TTLL11: variants seen among roughly 807,000 people sequenced by gnomAD.
The protein encoded by TTLL11 is tubulin polyglutamylase TTLL11.
A neutral mutation model predicts 51.7 loss-of-function variants in TTLL11; 42 were observed. The ratio of observed to expected loss-of-function variants is 0.81; its 90% CI spans 0.64 to 1.05. The LOEUF (loss-of-function observed/expected upper bound fraction) is 1.05, where lower values mean the gene tolerates loss of function less well. Ranked by LOEUF, TTLL11 falls within the 50% of genes least tolerant of loss-of-function variation. The pLI, the probability that TTLL11 is intolerant of heterozygous loss-of-function variation, is 0.00. For synonymous variants in TTLL11, 381 were observed against 383.5 expected (o/e 0.99, Z 0.08); for missense variants, 799 against 940.4 (o/e 0.85, Z 1.97).
intron 4 of TTLL11, among the ~76,000 whole-genome samples, chr9:121,986,676 C>T (rs973784633): frequency 5.3e-5 from 8 of 151,988 alleles, no homozygotes; most frequent in African/African-American, 1.7e-4. Context: ...CAAAAGGTGC[C>T]GCCAGCCTGC....
intron 3 of TTLL11, among the ~76,000 whole-genome samples, chr9:122,006,756 G>A (rs537045398): frequency 3.5e-4 from 54 of 152,142 alleles, no homozygotes; most frequent in African/African-American, 1.2e-3. Context: ...AGGCCAAGGC[G>A]GGAAGATTAC....
At chr9:121,884,405 G>A (rs1181508211) in intron 6 of TTLL11, among the ~76,000 whole-genome samples, 3 of 152,174 alleles carry the variant, frequency 2.0e-5, no homozygotes, top group Non-Finnish European at 4.4e-5. Flanking sequence ...GCGCGGAGCT[G>A]AAGTCAGAGC....
intron 6 of TTLL11, among the ~76,000 whole-genome samples, chr9:121,900,533 T>C (rs1213048887): frequency 6.6e-6 from 1 of 152,200 alleles, no homozygotes; most frequent in Non-Finnish European, 1.5e-5. Flanking sequence ...TTCGTTTCTA[T>C]TCTCATTGGA....
At chr9:121,884,019 C>T (rs1838898990) in intron 6 of TTLL11, among the ~76,000 whole-genome samples, 1 of 152,150 alleles carries the variant, frequency 6.6e-6, no homozygotes, top group Non-Finnish European at 1.5e-5. Context: ...TTAGTGAGCA[C>T]GAAGTGGAAT....
rs368215997 is a variant in TTLL11 at position 121,895,533 on chromosome 9, CTG to C, written c.1482-24787_1482-24786del. On this transcript the variant is annotated intron_variant, in intron 6 of 8. Transcript: ENST00000321582. ...TGTGTTTGTATGACTGTGACTGTGACTGTGTGTTTCGTTGTACATATGTGTGT... is the reference window on the plus strand; with the variant it reads ...TGTGTTTGTATGACTGTGACTGTGACTGTGTTTCGTTGTACATATGTGTGT... 3.8e-3 allele frequency among the ~76,000 whole-genome samples: 559 copies of C among 145,768 alleles called. 4 individuals are homozygous for C. The highest frequency in any genetic ancestry group is 0.013 in the African/African-American group (494 of 39,182).
At position 121,853,090 on chromosome 9, in the gene TTLL11, G is replaced by A. The variant is rs1837712922; in HGVS notation, c.1840+7247C>T. On this transcript the variant is annotated intron_variant, in intron 8 of 8. Transcript: ENST00000321582. The surrounding 1 kb of genome is among the most constrained non-coding windows in gnomAD (Gnocchi z 5.6). ...TACTCCAGCCGATGTGAGCAGAGGC[G>A]TCAGATGACTCGCAGTCGGTGACTG... Among the ~76,000 whole-genome samples the A allele has an allele frequency of 6.6e-6, 1 of 152,358 alleles. No homozygotes were observed. Among genetic ancestry groups the A allele is most frequent in the South Asian group, 2.1e-4 (1 of 4,832 alleles).
intron 3 of TTLL11, among the ~76,000 whole-genome samples, chr9:122,001,803 A>G (rs548921092): frequency 3.3e-5 from 5 of 152,184 alleles, no homozygotes; most frequent in African/African-American, 1.2e-4. Context: ...GGAACGGGAC[A>G]CTCAGCCTGA....
chr9:121,961,147 T>C (rs1408979702), intron 6 of TTLL11, among the ~76,000 whole-genome samples: 1 of 152,078 alleles, frequency 6.6e-6, no homozygotes, highest in Non-Finnish European at 1.5e-5. Flanking sequence ...TAGAAGAAAA[T>C]CAAGTCCATC....
intron 8 of TTLL11, among the ~76,000 whole-genome samples, chr9:121,838,996 C>T (rs141078795): frequency 1.3e-5 from 2 of 152,352 alleles, no homozygotes; most frequent in East Asian, 3.9e-4. Context: ...TTCGCAGAAC[C>T]TGCTCCCCGC....
chr9:122,014,554 G>A (rs117263592), intron 3 of TTLL11, among the ~76,000 whole-genome samples: 150 of 152,090 alleles, frequency 9.9e-4, no homozygotes, highest in Middle Eastern at 6.8e-3. Flanking sequence ...TGGACCATCC[G>A]TCTCCTCTGC....
intron 6 of TTLL11, among the ~76,000 whole-genome samples, chr9:121,960,107 T>C (rs1284035754): frequency 6.7e-6 from 1 of 149,790 alleles, no homozygotes; most frequent in Admixed American, 6.6e-5. Flanking sequence ...CTTAAACTTC[T>C]GATCTTTTTT....
chr9:121,857,343 G>A (rs1837858231), intron 8 of TTLL11, among the ~76,000 whole-genome samples: 1 of 152,208 alleles, frequency 6.6e-6, no homozygotes, highest in African/African-American at 2.4e-5. Context: ...GCTTGGTGTA[G>A]CCCTGGATGG....
chr9:121,912,224 G>A (rs1333456377), intron 6 of TTLL11, among the ~76,000 whole-genome samples: 8 of 152,142 alleles, frequency 5.3e-5, no homozygotes, highest in South Asian at 2.1e-4. Context: ...TAAGGGTAAC[G>A]GTGGAATTTC....
intron 1 of TTLL11, among the ~76,000 whole-genome samples, chr9:122,088,657 T>C (rs540397195): frequency 2.0e-5 from 3 of 152,212 alleles, no homozygotes; most frequent in Non-Finnish European, 4.4e-5. Flanking sequence ...GTAAGAGCTA[T>C]ATAAAGATTT....
intron 6 of TTLL11, among the ~76,000 whole-genome samples, chr9:121,873,623 T>C (rs1588085396): frequency 6.7e-6 from 1 of 148,882 alleles, no homozygotes; most frequent in South Asian, 2.2e-4. Context: ...CGCCTCCTCC[T>C]CCTCCTCCTC....
At chr9:121,972,410 CA>C (rs1338230152) in intron 6 of TTLL11, among the ~76,000 whole-genome samples, 2 of 152,218 alleles carry the variant, frequency 1.3e-5, no homozygotes, top group Non-Finnish European at 2.9e-5. Flanking sequence ...CTGGTGAACA[CA>C]TTATTTGGCT....
intron 6 of TTLL11, among the ~76,000 whole-genome samples, chr9:121,910,926 G>GA (rs1419477952): frequency 1.3e-5 from 2 of 152,142 alleles, no homozygotes; most frequent in African/African-American, 4.8e-5. Context: ...TTAAATAAGA[G>GA]AGCCAGGAAT....
At chr9:122,030,777 A>G (rs1487554078) in intron 3 of TTLL11, among the ~76,000 whole-genome samples, 1 of 70,960 alleles carries the variant, frequency 1.4e-5, no homozygotes, top group African/African-American at 6.3e-5. Context: ...CAAAAAATAC[A>G]AAAAAAAAAA....
At chr9:121,925,258 C>G (rs1462828493) in intron 6 of TTLL11, among the ~76,000 whole-genome samples, 3 of 152,184 alleles carry the variant, frequency 2.0e-5, no homozygotes, top group Non-Finnish European at 2.9e-5. Flanking sequence ...AAATAAGAAC[C>G]CAGAGAAAGT....
Sources: allele counts gnomAD v4.1 joint callset (sites outside exome capture counted in the v4.1 genomes callset), GRCh38; gene constraint gnomAD v4.1.1; non-coding constraint Gnocchi (gnomAD v3.1); transcripts MANE v1.5; gene names NCBI Gene and HGNC (gene_info 2026-07-23, HGNC 2026-07-21).